Variants in TVP23A observed in about 807,000 individuals in gnomAD.
The protein encoded by TVP23A is trans-golgi network vesicle protein 23 homolog A.
In TVP23A, 21 loss-of-function variants were observed where a neutral mutation model predicts 31.7. That is an observed-to-expected ratio of 0.66 (90% CI 0.47 to 0.95). The LOEUF (loss-of-function observed/expected upper bound fraction) is 0.95. Ranked by LOEUF, TVP23A falls within the 40% of genes least tolerant of loss-of-function variation. The probability of loss-of-function intolerance (pLI) is 0.00; values close to 1 mark genes in which losing one functional copy is unlikely to be tolerated. For synonymous variants in TVP23A, 104 were observed against 96.0 expected, an observed-to-expected ratio of 1.08 and a Z score of -0.49; for missense variants, 279 against 255.6, an observed-to-expected ratio of 1.09 and a Z score of -0.62.
chr16:10,793,371 G>A (rs1316457862), intron 2 of TVP23A, among the ~76,000 whole-genome samples: 1 of 152,076 alleles, frequency 6.6e-6, no homozygotes, highest in Non-Finnish European at 1.5e-5. Context: ...GGGACAAGTT[G>A]GGGGGGTGCC....
intron 2 of TVP23A, among the ~76,000 whole-genome samples, chr16:10,781,884 C>CA (rs1400979085): frequency 7.3e-5 from 7 of 95,700 alleles, no homozygotes; most frequent in Non-Finnish European, 1.8e-5. Context: ...TTTTTTGAGA[C>CA]AGAGTCTCAC....
chr16:10,815,020 T>C (rs2034373661), intron 2 of TVP23A, among the ~76,000 whole-genome samples: 1 of 152,200 alleles, frequency 6.6e-6, no homozygotes, highest in Non-Finnish European at 1.5e-5. Flanking sequence ...CTACCCTACC[T>C]GTGGGTCCCA....
At chr16:10,770,366 C>T in intron 6 of TVP23A, 35 bp from the exon 7 acceptor site, 1 of 1,547,222 alleles carries the variant, frequency 6.5e-7, no homozygotes, top group Non-Finnish European at 8.7e-7. Context: ...GTTTTCTGTC[C>T]TTACACGCGA....
rs34739793 is a variant in TVP23A, at chr16:10,786,934, CA to C, written c.90-11839del. Among the ~76,000 whole-genome samples the C allele has an allele frequency of 0.046, 6,150 of 135,034 alleles. 674 individuals carry two copies. In the East Asian group the frequency reaches 0.48, roughly 11 times the overall value. The allele number at this position is 135,034 out of a possible 152,430, so 88.6% of individuals were successfully genotyped here. ...GTACCTAGATGGCCCAGCTGTGGTC[CA>C]AAAAAAAAAAAAATTTAGACCTAAA... On this transcript the variant is annotated intron_variant, in intron 2 of 7. Transcript: ENST00000299866.
chr16:10,818,759 G>A lies in TVP23A; in HGVS notation c.-266C>T. 2.1e-6 allele frequency: 1 copy of A among 487,578 alleles called. No individual in the cohort carries two copies. The highest frequency in any genetic ancestry group is 3.6e-6 in the Non-Finnish European group (1 of 280,600). 30.2% of individuals were successfully genotyped at this position (487,578 alleles called of 1,614,324 possible). A position where few individuals can be genotyped will look rare whatever the true frequency, so the allele number is the denominator to read the frequency against. ...AGAAAGCGGCGGCAGGGAGGCAACG[G>A]CCTGGGGAACTGCGGACAGAGATAG... On this transcript the variant is annotated 5_prime_UTR_variant, in exon 1 of 8. Coordinates refer to ENST00000299866, the MANE Select transcript of TVP23A (RefSeq NM_001079512.4). The surrounding 1 kb of genome is among the most constrained non-coding windows in gnomAD (Gnocchi z 4.7).
rs72785629 is a variant in TVP23A at position 10,779,809 on chromosome 16, C to T, written c.90-4713G>A. ...CATTCATCTAAAATAAGTGATTGGC[C>T]GGGGGCGGTGGCTCACGCCTGTAAT... On this transcript the variant is annotated intron_variant, in intron 2 of 7. Coordinates refer to ENST00000299866, the MANE Select transcript of TVP23A (RefSeq NM_001079512.4). This position sits in a 1 kb window ranked among gnomAD's most constrained non-coding sequence, Gnocchi z 4.9. Among the ~76,000 whole-genome samples the T allele has an allele frequency of 6.6e-6, 1 of 152,262 alleles. No homozygotes were observed. The highest frequency in any genetic ancestry group is 1.5e-5 in the Non-Finnish European group (1 of 68,004).
At position 10,816,779 on chromosome 16, in the gene TVP23A, C is replaced by T. The variant is rs181234813; in HGVS notation, c.89+1324G>A. On this transcript the variant is annotated intron_variant, in intron 2 of 7. Coordinates refer to ENST00000299866, the MANE Select transcript of TVP23A (RefSeq NM_001079512.4). ...AGGTGATATACCTAATGCTAAATGA[C>T]GAGTTAATGGGTGCAGCACACCAAC... Among the ~76,000 whole-genome samples, 57 of 151,832 alleles carry T rather than the reference C, an allele frequency of 3.8e-4. No homozygotes were observed. The East Asian group carries it at 8.9e-3, about 24-fold the overall frequency.
intron 2 of TVP23A, among the ~76,000 whole-genome samples, chr16:10,784,581 G>A (rs1464315436): frequency 6.7e-6 from 1 of 150,214 alleles, no homozygotes; most frequent in Non-Finnish European, 1.5e-5. Flanking sequence ...AATAAATAAA[G>A]AAGAAAGAAA....
At chr16:10,794,169 C>T (rs78295479) in intron 2 of TVP23A, among the ~76,000 whole-genome samples, 3,567 of 152,226 alleles carry the variant, frequency 0.023, 125 homozygotes, top group African/African-American at 0.082. Flanking sequence ...GCCCTCACGG[C>T]CGAATCATCA....
At chr16:10,799,419 C>A (rs1005472924) in intron 2 of TVP23A, among the ~76,000 whole-genome samples, 11 of 152,136 alleles carry the variant, frequency 7.2e-5, no homozygotes, top group Admixed American at 6.5e-5. Context: ...CTGCAACCTC[C>A]GACTCCCAGG....
chr16:10,757,446 C>G (rs902913446), downstream of TVP23A, among the ~76,000 whole-genome samples: 2 of 152,180 alleles, frequency 1.3e-5, no homozygotes, highest in Non-Finnish European at 2.9e-5. The surrounding 1 kb of genome is among the most constrained non-coding windows in gnomAD (Gnocchi z 4.1). Context: ...AGCCTCAGCA[C>G]TATTGATATT....
intron 2 of TVP23A, among the ~76,000 whole-genome samples, chr16:10,809,111 G>C (rs1375395103): frequency 6.6e-6 from 1 of 152,220 alleles, no homozygotes; most frequent in African/African-American, 2.4e-5. Context: ...CACTTCTGAA[G>C]CCCACAAGGG....
Position 10,818,444 on chromosome 16 carries a change from G to T in TVP23A, c.9+41C>A. The T allele has an allele frequency of 6.3e-7, 1 of 1,594,992 alleles. No individual in the cohort carries two copies. Reference sequence around the variant, plus strand: ...TCCAGCGCTCCCGCAGGCTCCCCTCGTCCCGCCCCGCCTCCAGCCCCAGCA... The same window carrying T: ...TCCAGCGCTCCCGCAGGCTCCCCTCTTCCCGCCCCGCCTCCAGCCCCAGCA... On this transcript the variant is annotated intron_variant, in intron 1 of 7. Transcript: ENST00000299866. This position sits in a 1 kb window ranked among gnomAD's most constrained non-coding sequence, Gnocchi z 4.7.
At position 10,794,945 on chromosome 16, in the gene TVP23A, A is replaced by C. The variant is rs76531227; in HGVS notation, c.90-19849T>G. Among the ~76,000 whole-genome samples the C allele has an allele frequency of 9.4e-3, 1,425 of 151,928 alleles. 24 individuals are homozygous for C. The highest frequency in any genetic ancestry group is 0.033 in the African/African-American group (1,350 of 41,412). ...CCACAGAGAGCTAGTAACACAGGCG[A>C]CCCGAGGCAGTGGCCTCTGAACTCC... On this transcript the variant is annotated intron_variant, in intron 2 of 7. Coordinates refer to ENST00000299866, the MANE Select transcript of TVP23A (RefSeq NM_001079512.4).
At position 10,771,807 on chromosome 16, in the gene TVP23A, A is replaced by C; in HGVS notation, c.454-9T>G. 3.2e-6 allele frequency: 5 copies of C among 1,560,230 alleles called. No homozygotes were observed. The highest frequency in any genetic ancestry group is 4.3e-6 in the Non-Finnish European group (5 of 1,151,564). On this transcript the variant is annotated splice_polypyrimidine_tract_variant and intron_variant, in intron 5 of 7. Transcript: ENST00000299866. ...CCAGCAACCACCAGAGCCTGCACTC[A>C]GACAAAGAAAGCAAAGGTCACTTTT...
chr16:10,761,710 AT>A, downstream of TVP23A: 1 of 1,480,602 alleles, frequency 6.8e-7, no homozygotes, highest in Non-Finnish European at 9.4e-7. Context: ...CATCCTTGTG[AT>A]TCTGCAAAAA....
Position 10,796,069 on chromosome 16 carries a change from T to C in TVP23A, c.90-20973A>G, listed in dbSNP as rs149152785. On this transcript the variant is annotated intron_variant, in intron 2 of 7. Transcript: ENST00000299866. Reference sequence around the variant, plus strand: ...AAATAAAAAAATTTAAAAGATGGGCTGGGCACGGTGGCTCATGCCTGTAAT... The same window carrying C: ...AAATAAAAAAATTTAAAAGATGGGCCGGGCACGGTGGCTCATGCCTGTAAT... 3.9e-3 allele frequency among the ~76,000 whole-genome samples: 593 copies of C among 152,186 alleles called. 4 individuals carry two copies. The highest frequency in any genetic ancestry group is 0.014 in the African/African-American group (561 of 41,540).
intron 2 of TVP23A, among the ~76,000 whole-genome samples, chr16:10,803,863 G>A (rs960593064): frequency 3.9e-5 from 6 of 151,940 alleles, no homozygotes. Context: ...GGTTTTTTGG[G>A]GTAATGAAAA....
downstream of TVP23A, among the ~76,000 whole-genome samples, chr16:10,759,705 G>A (rs554099053): frequency 7.0e-4 from 106 of 152,286 alleles, no homozygotes; most frequent in African/African-American, 2.4e-3. This position sits in a 1 kb window ranked among gnomAD's most constrained non-coding sequence, Gnocchi z 4.7. Context: ...GAATCCAGGA[G>A]ACAGAGGTTG....
Sources: allele counts gnomAD v4.1 joint callset (sites outside exome capture counted in the v4.1 genomes callset), GRCh38; gene constraint gnomAD v4.1.1; non-coding constraint Gnocchi (gnomAD v3.1); transcripts MANE v1.5; gene names NCBI Gene and HGNC (gene_info 2026-07-23, HGNC 2026-07-21).